Variants in BAZ1A observed in about 807,000 individuals in gnomAD.
BAZ1A encodes bromodomain adjacent to zinc finger domain protein 1A.
BAZ1A carries 50 observed loss-of-function variants against 185.2 expected under a neutral mutation model. The ratio of observed to expected loss-of-function variants is 0.27; its 90% CI spans 0.22 to 0.34. The LOEUF is 0.34. BAZ1A is among the 10% of genes least tolerant of loss of function. The probability of loss-of-function intolerance (pLI) is 1.00; values close to 1 mark genes in which losing one functional copy is unlikely to be tolerated. For synonymous variants in BAZ1A, 571 were observed against 615.6 expected (o/e 0.93, Z 1.07); for missense variants, 1,356 against 1,839.9 (o/e 0.74, Z 4.81).
Position 34,757,903 on chromosome 14 carries a change from C to T in BAZ1A, c.4386+801G>A, listed in dbSNP as rs568322023. Among the ~76,000 whole-genome samples, 16 of 150,926 alleles carry T rather than the reference C, an allele frequency of 1.1e-4. No homozygotes were observed. The East Asian group carries it at 1.2e-3, about 12-fold the overall frequency. ...CGGGGACTACAGGCGCCTGCCACCA[C>T]GCCTGGCTAATTTTTTTGTATTTTT... On this transcript the variant is annotated intron_variant, in intron 25 of 26. Coordinates refer to ENST00000360310, the MANE Select transcript of BAZ1A (RefSeq NM_013448.3).
chr14:34,835,429 A>G (rs1594888278), intron 3 of BAZ1A, among the ~76,000 whole-genome samples: 1 of 151,506 alleles, frequency 6.6e-6, no homozygotes, highest in Non-Finnish European at 1.5e-5. Context: ...TAACTGTGTG[A>G]CTCTTAAGCC....
chr14:34,793,590 C>T (rs1390192030), intron 11 of BAZ1A, among the ~76,000 whole-genome samples: 4 of 152,156 alleles, frequency 2.6e-5, no homozygotes, highest in Non-Finnish European at 4.4e-5. Flanking sequence ...GGGTGGATCA[C>T]GAGGTCAGGA....
At chr14:34,835,139 G>A (rs1398141872) in intron 3 of BAZ1A, among the ~76,000 whole-genome samples, 1 of 151,528 alleles carries the variant, frequency 6.6e-6, no homozygotes, top group Non-Finnish European at 1.5e-5. Context: ...TCAGCTCACT[G>A]CAACCCCTGC....
intron 4 of BAZ1A, among the ~76,000 whole-genome samples, chr14:34,819,794 C>G (rs2042059443): frequency 6.6e-6 from 1 of 152,158 alleles, no homozygotes. Context: ...AATACCAAAG[C>G]ATGCAATTGC....
intron 17 of BAZ1A, among the ~76,000 whole-genome samples, chr14:34,778,623 T>G (rs1468787234): frequency 6.6e-6 from 1 of 152,242 alleles, no homozygotes; most frequent in Non-Finnish European, 1.5e-5. Flanking sequence ...CAGATCCATT[T>G]TGATAATTTG....
chr14:34,785,749 TATGCAAATTCCAACTTGCAAA>T lies in BAZ1A; in HGVS notation c.1831+7_1831+27del, dbSNP rs1352083361. The T allele has an allele frequency of 6.2e-7, 1 of 1,602,568 alleles. No homozygotes were observed. The highest frequency in any genetic ancestry group is 8.5e-7 in the Non-Finnish European group (1 of 1,171,058). On this transcript the variant is annotated splice_region_variant and intron_variant, in intron 14 of 26. Coordinates refer to ENST00000360310, the MANE Select transcript of BAZ1A (RefSeq NM_013448.3). ...CATAAGAGGGAGGAAGTGGGCAGGTTATGCAAATTCCAACTTGCAAAGCTTACCTGGTGTCAAATCATACAC... is the reference window on the plus strand; with the variant it reads ...CATAAGAGGGAGGAAGTGGGCAGGTTGCTTACCTGGTGTCAAATCATACAC...
In BAZ1A at chr14:34,862,190, T is replaced by C; in HGVS notation, c.246A>G (p.Pro82=). The C allele has an allele frequency of 1.2e-6, 2 of 1,614,226 alleles. No individual in the cohort carries two copies. The highest frequency in any genetic ancestry group is 1.6e-4 in the Middle Eastern group (1 of 6,062). ...KKARQNLQSF[P]EPLIIPVLYL... The stretch of plus-strand genomic sequence containing the variant: ...ATAAAACTGGAATAATTAGTGGTTC[T>C]GGAAAACTCTGAAGATTCTGTCTTG... The change falls in exon 3 of 27, where the codon CCA becomes CCG. Residue 82 remains proline, a synonymous_variant. Coordinates refer to ENST00000360310, the MANE Select transcript of BAZ1A (RefSeq NM_013448.3).
At chr14:34,808,933 A>T (rs957343467) in intron 5 of BAZ1A, among the ~76,000 whole-genome samples, 2 of 152,214 alleles carry the variant, frequency 1.3e-5, no homozygotes, top group Non-Finnish European at 2.9e-5. Context: ...CCTTCCCAAA[A>T]ATGTATACAG....
intron 12 of BAZ1A, among the ~76,000 whole-genome samples, chr14:34,787,731 G>T (rs1880576557): frequency 6.6e-6 from 1 of 152,112 alleles, no homozygotes; most frequent in African/African-American, 2.4e-5. Context: ...AGATTTCCCT[G>T]AATTTTCTAA....
At chr14:34,782,629 A>C (rs1231608986) in intron 16 of BAZ1A, among the ~76,000 whole-genome samples, 3 of 152,184 alleles carry the variant, frequency 2.0e-5, no homozygotes, top group Admixed American at 6.5e-5. Context: ...GTATTTTTAT[A>C]CACAAGTATT....
At chr14:34,826,990 C>G (rs2042173209) in intron 3 of BAZ1A, among the ~76,000 whole-genome samples, 1 of 152,106 alleles carries the variant, frequency 6.6e-6, no homozygotes, top group Middle Eastern at 3.2e-3. Flanking sequence ...CTTCTCCTGC[C>G]TTTGGACATC....
chr14:34,819,134 C>A (rs2042047453), intron 4 of BAZ1A, among the ~76,000 whole-genome samples: 1 of 75,564 alleles, frequency 1.3e-5, no homozygotes, highest in Non-Finnish European at 2.3e-5. Context: ...GAGCAAGACT[C>A]TGTCTCAAAA....
chr14:34,796,663 AAC>A (rs1344583161), intron 9 of BAZ1A, among the ~76,000 whole-genome samples: 1 of 152,236 alleles, frequency 6.6e-6, no homozygotes, highest in Non-Finnish European at 1.5e-5. Flanking sequence ...TCTCTAATAA[AAC>A]AGTGTAAATC....
chr14:34,829,256 ACT>A (rs2138723680), intron 3 of BAZ1A, among the ~76,000 whole-genome samples: 1 of 122,960 alleles, frequency 8.1e-6, no homozygotes, highest in Admixed American at 9.6e-5. Flanking sequence ...ACAGAGTGAG[ACT>A]CTGTCTCTGA....
chr14:34,842,374 A>G (rs1428575525), intron 3 of BAZ1A, among the ~76,000 whole-genome samples: 3 of 152,206 alleles, frequency 2.0e-5, no homozygotes, highest in Admixed American at 2.0e-4. Flanking sequence ...ACTAGAAAAG[A>G]AAAAGGCTTA....
At chr14:34,848,534 C>T (rs964353784) in intron 3 of BAZ1A, among the ~76,000 whole-genome samples, 4 of 152,066 alleles carry the variant, frequency 2.6e-5, no homozygotes, top group Admixed American at 6.6e-5. Context: ...ACCCAGGAGG[C>T]GGAGTTGCAG....
At chr14:34,762,707 C>T (rs775538203) in intron 23 of BAZ1A, among the ~76,000 whole-genome samples, 16 of 152,062 alleles carry the variant, frequency 1.1e-4, no homozygotes, top group Non-Finnish European at 1.9e-4. Context: ...TGGACTCAGG[C>T]GATCTGCATG....
rs1343693112 is a variant in BAZ1A, at chr14:34,756,464, C to CTTTTTTTTTTTTTTTTTTTT, written c.4387-1551_4387-1550insAAAAAAAAAAAAAAAAAAAA. 5.6e-5 allele frequency among the ~76,000 whole-genome samples: 6 copies of CTTTTTTTTTTTTTTTTTTTT among 107,168 alleles called. 1 individual carries two copies. The highest frequency in any genetic ancestry group is 5.4e-5 in the Non-Finnish European group (3 of 55,368). 70.3% of individuals were successfully genotyped at this position (107,168 alleles called of 152,430 possible). ...GACACACTGCACCCAGCCAGAATAC[C>CTTTTTTTTTTTTTTTTTTTT]TATTTTTTTTTTTTTTTTTTTTTTT... is the stretch of plus-strand genomic sequence containing the variant. On this transcript the variant is annotated intron_variant, in intron 25 of 26. Transcript: ENST00000360310.
At chr14:34,754,446 GAAGA>G (rs1170547658) in intron 26 of BAZ1A, among the ~76,000 whole-genome samples, 4 of 136,540 alleles carry the variant, frequency 2.9e-5, no homozygotes, top group Non-Finnish European at 6.7e-5. Flanking sequence ...AAAAGAAAAA[GAAGA>G]AAGAAAAAAG....
Sources: allele counts gnomAD v4.1 joint callset (sites outside exome capture counted in the v4.1 genomes callset), GRCh38; gene constraint gnomAD v4.1.1; transcripts MANE v1.5; gene names NCBI Gene and HGNC (gene_info 2026-07-23, HGNC 2026-07-21).